The following DPP6 variants were observed in gnomAD, a reference collection of about 807,000 sequenced individuals.
DPP6 encodes the protein A-type potassium channel modulatory protein DPP6.
Under a neutral mutation model 122.6 loss-of-function variants are expected in DPP6, and 69 were observed. That is an observed-to-expected ratio of 0.56 (90% CI 0.46 to 0.69). The LOEUF (loss-of-function observed/expected upper bound fraction) is 0.69. Among genes scored for constraint, DPP6 ranks in the 30% least tolerant of loss-of-function variants. The probability of loss-of-function intolerance (pLI) is 0.00; values close to 1 mark genes in which losing one functional copy is unlikely to be tolerated. For synonymous variants in DPP6, 418 were observed against 433.1 expected (o/e 0.97, Z 0.43); for missense variants, 928 against 1,116.9 (o/e 0.83, Z 2.41).
At position 154,781,631 on chromosome 7, in the gene DPP6, G is replaced by A. The variant is rs77091569; in HGVS notation, c.1136+8689G>A. Among the ~76,000 whole-genome samples the A allele has an allele frequency of 8.4e-3, 1,275 of 152,294 alleles. 11 individuals are homozygous for A. Among genetic ancestry groups the A allele is most frequent in the African/African-American group, 0.029 (1,200 of 41,554 alleles). ...GAACTGTACACTTTAGTAGAGCAGC[G>A]CTTGGTATTTAGGGTCGTTTCAGTT... On this transcript the variant is annotated intron_variant, in intron 10 of 25. Coordinates refer to ENST00000377770, the MANE Select transcript of DPP6 (RefSeq NM_130797.4).
At chr7:153,905,212 G>A (rs1013586064) in intron 1 of DPP6, among the ~76,000 whole-genome samples, 1 of 152,210 alleles carries the variant, frequency 6.6e-6, no homozygotes, top group Non-Finnish European at 1.5e-5. Flanking sequence ...GGGAAAGTTG[G>A]AGTAGTAGTT....
chr7:154,288,833 A>G (rs1468479028), intron 1 of DPP6, among the ~76,000 whole-genome samples: 1 of 152,254 alleles, frequency 6.6e-6, no homozygotes, highest in Non-Finnish European at 1.5e-5. Flanking sequence ...TCTAGAGGAC[A>G]TTTAAAGAGA....
the DPP6 span, among the ~76,000 whole-genome samples, chr7:153,802,495 A>G: frequency 6.6e-6 from 1 of 152,126 alleles, no homozygotes; most frequent in African/African-American, 2.4e-5. Flanking sequence ...AAGAAGAAAC[A>G]AACAAAATAT....
intron 8 of DPP6, among the ~76,000 whole-genome samples, chr7:154,753,369 G>A (rs1472583961): frequency 1.3e-5 from 2 of 152,132 alleles, no homozygotes; most frequent in African/African-American, 4.8e-5. Flanking sequence ...CAGGGTGTGT[G>A]ACGAGGCCCA....
chr7:154,528,411 A>G (rs748372558), intron 3 of DPP6, among the ~76,000 whole-genome samples: 1 of 152,232 alleles, frequency 6.6e-6, no homozygotes, highest in African/African-American at 2.4e-5. Flanking sequence ...CACCATGCCT[A>G]CGCCTCCGTC....
chr7:154,057,349 C>G (rs1045652441), intron 1 of DPP6: 2 of 191,700 alleles, frequency 1.0e-5, no homozygotes, highest in African/African-American at 4.9e-5. Context: ...AGACACCCCC[C>G]GCGAGGCGGG....
At chr7:154,841,227 T>G (rs1801503059) in intron 16 of DPP6, among the ~76,000 whole-genome samples, 1 of 152,142 alleles carries the variant, frequency 6.6e-6, no homozygotes, top group African/African-American at 2.4e-5. Context: ...AGTCTAGCTG[T>G]GGGCTCAGTC....
At chr7:154,454,037 C>T (rs544100203) in intron 2 of DPP6, among the ~76,000 whole-genome samples, 16 of 152,160 alleles carry the variant, frequency 1.1e-4, no homozygotes, top group African/African-American at 3.1e-4. Context: ...TGGCTTGCTC[C>T]GTATCTTTTG....
At chr7:154,369,512 GCACC>G in intron 1 of DPP6, among the ~76,000 whole-genome samples, 1 of 151,652 alleles carries the variant, frequency 6.6e-6, no homozygotes. Context: ...GGGATTACAG[GCACC>G]CACCACCACG....
At chr7:154,816,168 G>A (rs1799412600) in intron 16 of DPP6, among the ~76,000 whole-genome samples, 1 of 152,182 alleles carries the variant, frequency 6.6e-6, no homozygotes, top group Admixed American at 6.5e-5. Context: ...CTGAAAATCG[G>A]AGGAATAACA....
At chr7:154,788,722 C>G (rs541064763) in intron 10 of DPP6, among the ~76,000 whole-genome samples, 2 of 152,092 alleles carry the variant, frequency 1.3e-5, no homozygotes, top group Non-Finnish European at 2.9e-5. Context: ...TCTTCACATT[C>G]GGGTCTTTTT....
chr7:154,737,745 A>T (rs1021048112), intron 8 of DPP6, among the ~76,000 whole-genome samples: 6 of 152,214 alleles, frequency 3.9e-5, no homozygotes, highest in African/African-American at 1.4e-4. Context: ...TGGGTGCAGC[A>T]TCCTGTAGAT....
chr7:154,454,989 C>T (rs1276904670), intron 2 of DPP6, among the ~76,000 whole-genome samples: 1 of 152,132 alleles, frequency 6.6e-6, no homozygotes, highest in Non-Finnish European at 1.5e-5. Flanking sequence ...CGTATTGTTT[C>T]ACAAGACAAG....
chr7:154,625,062 A>G (rs1834977957), intron 5 of DPP6, among the ~76,000 whole-genome samples: 1 of 152,250 alleles, frequency 6.6e-6, no homozygotes, highest in South Asian at 2.1e-4. Context: ...GCAGGTCAAC[A>G]GCTTAAAGAT....
At chr7:153,848,026 C>T in the DPP6 span, among the ~76,000 whole-genome samples, 1 of 152,286 alleles carries the variant, frequency 6.6e-6, no homozygotes, top group Non-Finnish European at 1.5e-5. Context: ...AACCCGCAGA[C>T]ACTGGTCAAG....
intron 1 of DPP6, among the ~76,000 whole-genome samples, chr7:154,053,732 C>T (rs1451618974): frequency 6.6e-6 from 1 of 152,124 alleles, no homozygotes; most frequent in Non-Finnish European, 1.5e-5. Flanking sequence ...GTCTGTCTCC[C>T]CTCCCAGCCC....
intron 3 of DPP6, among the ~76,000 whole-genome samples, chr7:154,515,057 A>C (rs556972097): frequency 6.6e-6 from 1 of 152,374 alleles, no homozygotes; most frequent in African/African-American, 2.4e-5. Flanking sequence ...TTGACACTCA[A>C]GAAATTAGGC....
At chr7:153,808,864 C>G in the DPP6 span, among the ~76,000 whole-genome samples, 2 of 151,806 alleles carry the variant, frequency 1.3e-5, no homozygotes, top group Non-Finnish European at 2.9e-5. Context: ...GTGCAGTTAT[C>G]TCTTTGAGAT....
At chr7:154,302,786 G>A (rs1173229438) in intron 1 of DPP6, among the ~76,000 whole-genome samples, 1 of 152,262 alleles carries the variant, frequency 6.6e-6, no homozygotes, top group Middle Eastern at 3.4e-3. Context: ...CTGTGGTACC[G>A]CTCCTCAGTT....
Sources: gnomAD v4.1 joint callset for allele counts (sites outside exome capture counted in the v4.1 genomes callset) on GRCh38, gnomAD v4.1.1 for gene constraint, MANE v1.5 for transcripts, NCBI Gene and HGNC (gene_info 2026-07-23, HGNC 2026-07-21) for gene names.